IFT88: variants seen among roughly 807,000 people sequenced by gnomAD.
IFT88 encodes the protein intraflagellar transport 88, also known as intraflagellar transport protein 88 homolog.
In IFT88, 74 loss-of-function variants were observed where a neutral mutation model predicts 119.5. The observed-to-expected ratio is 0.62, with a 90% CI of 0.51 to 0.75. IFT88 has a LOEUF of 0.75. Among genes scored for constraint, IFT88 ranks in the 30% least tolerant of loss-of-function variants. The pLI is 0.00. For synonymous variants in IFT88, 279 were observed against 316.7 expected, an observed-to-expected ratio of 0.88 and a Z score of 1.26; for missense variants, 961 against 977.7, an observed-to-expected ratio of 0.98 and a Z score of 0.23.
intron 13 of IFT88, chr13:20,612,075 A>G (rs1294116900): frequency 1.3e-5 from 2 of 152,106 alleles, no homozygotes; most frequent in Admixed American, 1.3e-4. Context: ...TAAGGAATCA[A>G]CTTTAAAACT....
chr13:20,568,609 A>G (rs183590548), intron 1 of IFT88, among the ~76,000 whole-genome samples: 36 of 152,378 alleles, frequency 2.4e-4, no homozygotes, highest in African/African-American at 7.9e-4. Flanking sequence ...TGGTCCCCAG[A>G]CCAGTAGCCT....
intron 24 of IFT88, among the ~76,000 whole-genome samples, chr13:20,684,007 C>G (rs571132293): frequency 2.0e-5 from 3 of 152,212 alleles, no homozygotes; most frequent in Non-Finnish European, 2.9e-5. Flanking sequence ...CATCATCTGA[C>G]TGGAGACAGC....
intron 20 of IFT88, among the ~76,000 whole-genome samples, chr13:20,651,007 C>A (rs1594641022): frequency 6.6e-6 from 1 of 152,216 alleles, no homozygotes; most frequent in East Asian, 1.9e-4. Context: ...TTTCTGGATT[C>A]TAGATTCTAT....
chr13:20,605,127 C>G, intron 13 of IFT88, 22 bp downstream of exon 13: 1 of 1,013,342 alleles, frequency 9.9e-7, no homozygotes, highest in Non-Finnish European at 1.5e-6. Context: ...AACTTAATAA[C>G]GTAGTTATTA....
At position 20,626,092 on chromosome 13, in the gene IFT88, G is replaced by T. The variant is rs1396110764; in HGVS notation, c.1299+243G>T. Among the ~76,000 whole-genome samples, 3 of 87,900 alleles carry T rather than the reference G, an allele frequency of 3.4e-5. No individual in the cohort carries two copies. The Admixed American group carries it at 5.9e-4, about 17-fold the overall frequency. The allele number at this position is 87,900 out of a possible 152,430, so 57.7% of individuals were successfully genotyped here. A position where few individuals can be genotyped will look rare whatever the true frequency, so the allele number is the denominator to read the frequency against. On this transcript the variant is annotated intron_variant, in intron 15 of 25. Coordinates refer to ENST00000351808, the MANE Select transcript of IFT88 (RefSeq NM_006531.5). ...TTTTTTTTTTTTGAGATGGAGTCTC[G>T]CTCTGTTGCCTAGGCTAGAGTGCAG...
intron 22 of IFT88, 77 bp from the exon 23 acceptor site, chr13:20,663,421 G>A: frequency 1.3e-6 from 2 of 1,573,768 alleles, no homozygotes; most frequent in Non-Finnish European, 1.7e-6. Flanking sequence ...CCAAAAGACT[G>A]AGTTCACTGA....
rs142379031 is a variant in IFT88, at chr13:20,590,341, C to T, written c.210+474C>T. Reference sequence around the variant, plus strand: ...CTATAAAAGTTATAAACTTTTTAATCTTGTTCAAATTACCTGTAATTTGGA... The same window carrying T: ...CTATAAAAGTTATAAACTTTTTAATTTTGTTCAAATTACCTGTAATTTGGA... On this transcript the variant is annotated intron_variant, in intron 4 of 25. Transcript: ENST00000351808. Among the ~76,000 whole-genome samples the T allele has an allele frequency of 1.9e-3, 293 of 152,132 alleles. 2 individuals carry two copies. The highest frequency in any genetic ancestry group is 6.7e-3 in the African/African-American group (280 of 41,528).
At chr13:20,671,165 A>G (rs1253396872) in intron 24 of IFT88, 126 bp downstream of exon 24, 1 of 537,630 alleles carries the variant, frequency 1.9e-6, no homozygotes, top group East Asian at 3.2e-5. Flanking sequence ...ACACAGTGAA[A>G]CTTCACATTA....
chr13:20,589,365 T>G (rs1264070227), intron 3 of IFT88, among the ~76,000 whole-genome samples: 4 of 152,174 alleles, frequency 2.6e-5, no homozygotes, highest in East Asian at 1.9e-4. Context: ...CCGTATACTT[T>G]GTATTCTTAT....
chr13:20,662,712 A>G (rs772374783), intron 22 of IFT88, among the ~76,000 whole-genome samples: 2 of 151,854 alleles, frequency 1.3e-5, no homozygotes, highest in East Asian at 1.9e-4. Context: ...GGCAAAGGCC[A>G]TTCTTACAAA....
At position 20,655,720 on chromosome 13, in the gene IFT88, C is replaced by G. The variant is rs1454701087; in HGVS notation, c.2003-645C>G. Among the ~76,000 whole-genome samples, 6 of 152,164 alleles carry G rather than the reference C, an allele frequency of 3.9e-5. No individual in the cohort carries two copies. The East Asian group carries it at 1.2e-3, about 30-fold the overall frequency. ...TGTTGCCCAGGCTGGTCTCAAACTC[C>G]TGGCCTCAAGTGGTCCACCCACCTC... is the stretch of plus-strand genomic sequence containing the variant. On this transcript the variant is annotated intron_variant, in intron 21 of 25. Transcript: ENST00000351808.
intron 20 of IFT88, among the ~76,000 whole-genome samples, chr13:20,650,600 A>T (rs1225669834): frequency 6.6e-6 from 1 of 152,204 alleles, no homozygotes; most frequent in Admixed American, 6.5e-5. Context: ...TGGTACTGGA[A>T]GTTCTAGCCA....
At chr13:20,605,456 G>A (rs1042325807) in intron 13 of IFT88, among the ~76,000 whole-genome samples, 3 of 152,036 alleles carry the variant, frequency 2.0e-5, no homozygotes, top group East Asian at 1.9e-4. Flanking sequence ...CAAAAATGAC[G>A]TCTTTATGTT....
At chr13:20,668,836 G>T (rs2055244803) in intron 23 of IFT88, among the ~76,000 whole-genome samples, 2 of 152,228 alleles carry the variant, frequency 1.3e-5, no homozygotes, top group Non-Finnish European at 2.9e-5. Flanking sequence ...CATATCCAAG[G>T]AGATGCTGTT....
chr13:20,587,876 C>T (rs995988513), intron 3 of IFT88, among the ~76,000 whole-genome samples: 1 of 151,718 alleles, frequency 6.6e-6, no homozygotes, highest in African/African-American at 2.4e-5. Context: ...TTATTAGCAG[C>T]GTGTGATTGG....
intron 22 of IFT88, among the ~76,000 whole-genome samples, chr13:20,661,483 C>A (rs550375529): frequency 1.3e-5 from 2 of 152,154 alleles, no homozygotes; most frequent in African/African-American, 4.8e-5. Flanking sequence ...CGCCTGTAAT[C>A]CCAGCACTTT....
intron 1 of IFT88, 60 bp from the exon 2 acceptor site, chr13:20,574,318 CAA>C: frequency 2.2e-6 from 2 of 895,548 alleles, no homozygotes; most frequent in Non-Finnish European, 1.7e-6. Context: ...AGACATATCT[CAA>C]AAAATATATA....
intron 2 of IFT88, among the ~76,000 whole-genome samples, chr13:20,576,761 ACTATAGCT>A (rs1194994246): frequency 2.6e-5 from 4 of 152,246 alleles, no homozygotes; most frequent in Non-Finnish European, 4.4e-5. Context: ...TGTTTTGGTT[ACTATAGCT>A]CTATAGTGTA....
intron 1 of IFT88, among the ~76,000 whole-genome samples, chr13:20,570,038 CAAAA>C (rs71077721): frequency 1.5e-5 from 2 of 133,918 alleles, no homozygotes. Context: ...GATTCCGTCT[CAAAA>C]AAAAAAAAAA....
Sources: gnomAD v4.1 joint callset for allele counts (sites outside exome capture counted in the v4.1 genomes callset) on GRCh38, gnomAD v4.1.1 for gene constraint, MANE v1.5 for transcripts, NCBI Gene and HGNC (gene_info 2026-07-23, HGNC 2026-07-21) for gene names.